The following TENM3 variants were observed in gnomAD, a reference collection of about 807,000 sequenced individuals.
The protein encoded by TENM3 is teneurin transmembrane protein 3.
In TENM3, 63 loss-of-function variants were observed where a neutral mutation model predicts 255.1. That is an observed-to-expected ratio of 0.25 (90% CI 0.20 to 0.30). The LOEUF is 0.30. Among genes scored for constraint, TENM3 ranks in the 10% least tolerant of loss-of-function variants. TENM3 has a pLI of 1.00. For missense variants in TENM3, 2,929 were observed against 3,461.1 expected, an observed-to-expected ratio of 0.85 and a Z score of 3.86; for synonymous variants, 1,306 against 1,322.3, an observed-to-expected ratio of 0.99 and a Z score of 0.27.
intron 3 of TENM3, among the ~76,000 whole-genome samples, chr4:182,593,365 C>G (rs1409472354): frequency 6.6e-6 from 1 of 151,864 alleles, no homozygotes; most frequent in Non-Finnish European, 1.5e-5. Context: ...CTGTCTGTCT[C>G]CCTCCACCTC....
chr4:182,182,140 G>A (rs1375220322), intron 1 of TENM3, among the ~76,000 whole-genome samples: 1 of 152,156 alleles, frequency 6.6e-6, no homozygotes, highest in African/African-American at 2.4e-5. Context: ...GATCAGCAAT[G>A]AGAAAGGATA....
the TENM3 span, chr4:181,975,366 G>A: frequency 6.6e-6 from 1 of 152,104 alleles, no homozygotes; most frequent in Admixed American, 6.6e-5. Flanking sequence ...TCCAACTCCT[G>A]ACCTCAGGTG....
rs1006254191 is a variant in TENM3 at position 182,436,265 on chromosome 4, G to A, written c.511+89336G>A. Among the ~76,000 whole-genome samples, 11 of 152,238 alleles carry A rather than the reference G, an allele frequency of 7.2e-5. No individual in the cohort carries two copies. The East Asian group carries it at 1.2e-3, about 16-fold the overall frequency. The stretch of plus-strand genomic sequence containing the variant: ...GATGTTTCCCTTATCCAAACGGACC[G>A]AGTTCCGAGTGCGTAACCCTGTGAA... On this transcript the variant is annotated intron_variant, in intron 3 of 27. Transcript: ENST00000511685.
chr4:182,401,924 C>T (rs1418669288), intron 3 of TENM3, among the ~76,000 whole-genome samples: 3 of 152,234 alleles, frequency 2.0e-5, no homozygotes, highest in Admixed American at 2.0e-4. Context: ...TCCGTTATTA[C>T]CATTTCCACT....
At chr4:182,247,215 G>A (rs138500559) in intron 1 of TENM3, among the ~76,000 whole-genome samples, 18 of 152,356 alleles carry the variant, frequency 1.2e-4, no homozygotes, top group African/African-American at 4.3e-4. Flanking sequence ...GCTGCAGCAA[G>A]AAATTGACAT....
chr4:181,866,888 C>G, the TENM3 span, among the ~76,000 whole-genome samples: 17 of 152,140 alleles, frequency 1.1e-4, no homozygotes, highest in Non-Finnish European at 2.2e-4. Flanking sequence ...ATATCCCCTC[C>G]CTTTATATTC....
At chr4:181,784,372 A>T in the TENM3 span, among the ~76,000 whole-genome samples, 2 of 152,020 alleles carry the variant, frequency 1.3e-5, no homozygotes, top group Non-Finnish European at 2.9e-5. Context: ...AAATATCTTA[A>T]TTTACATTGT....
At chr4:181,653,259 A>T in the TENM3 span, among the ~76,000 whole-genome samples, 1 of 152,166 alleles carries the variant, frequency 6.6e-6, no homozygotes, top group Non-Finnish European at 1.5e-5. Flanking sequence ...CTAGGCCCCA[A>T]TTCCAGACTT....
chr4:181,679,824 T>C, the TENM3 span, among the ~76,000 whole-genome samples: 1 of 152,102 alleles, frequency 6.6e-6, no homozygotes, highest in Non-Finnish European at 1.5e-5. Context: ...GGAAATAAAG[T>C]GGGAGTTTGT....
intron 16 of TENM3, among the ~76,000 whole-genome samples, chr4:182,732,007 T>G (rs1387835065): frequency 2.6e-5 from 4 of 152,054 alleles, no homozygotes; most frequent in Admixed American, 2.6e-4. Flanking sequence ...GGTCTCCATC[T>G]CCTGACCTCG....
chr4:182,375,918 A>C (rs1767152121), intron 3 of TENM3, among the ~76,000 whole-genome samples: 1 of 152,170 alleles, frequency 6.6e-6, no homozygotes, highest in Admixed American at 6.5e-5. Context: ...CTTCCATGAC[A>C]TAGTGTTTTA....
the TENM3 span, among the ~76,000 whole-genome samples, chr4:181,671,255 TG>T: frequency 1.3e-5 from 2 of 152,140 alleles, no homozygotes; most frequent in Non-Finnish European, 2.9e-5. Context: ...TGCTAAAGTT[TG>T]TCATGAATAA....
the TENM3 span, among the ~76,000 whole-genome samples, chr4:182,109,483 C>T: frequency 6.6e-6 from 1 of 151,988 alleles, no homozygotes; most frequent in African/African-American, 2.4e-5. Flanking sequence ...TTACACCTAA[C>T]CTCATATACT....
chr4:182,024,107 G>C, the TENM3 span, among the ~76,000 whole-genome samples: 46 of 150,900 alleles, frequency 3.0e-4, no homozygotes, highest in African/African-American at 1.1e-3. Flanking sequence ...ATATAGATTT[G>C]GGGGAAAAAA....
intron 3 of TENM3, among the ~76,000 whole-genome samples, chr4:182,479,074 C>A (rs1343619301): frequency 1.3e-5 from 2 of 151,846 alleles, no homozygotes; most frequent in Non-Finnish European, 2.9e-5. Flanking sequence ...CTAAAAGATT[C>A]AGTACGTAAA....
At chr4:181,796,002 G>A in the TENM3 span, among the ~76,000 whole-genome samples, 1 of 152,190 alleles carries the variant, frequency 6.6e-6, no homozygotes, top group Non-Finnish European at 1.5e-5. Flanking sequence ...GTATGGGAAG[G>A]AAAGGGGATG....
the TENM3 span, among the ~76,000 whole-genome samples, chr4:182,073,263 T>A: frequency 6.6e-6 from 1 of 152,186 alleles, no homozygotes; most frequent in Non-Finnish European, 1.5e-5. Flanking sequence ...TCACTCACTA[T>A]CATGAGAACA....
chr4:182,510,229 C>T (rs569470825), intron 3 of TENM3, among the ~76,000 whole-genome samples: 1 of 152,290 alleles, frequency 6.6e-6, no homozygotes, highest in East Asian at 1.9e-4. Context: ...ATTGCTTTAT[C>T]AATCACTGTG....
rs1020598025 is a variant in TENM3 at position 182,637,755 on chromosome 4, A to C, written c.988+8866A>C. 2.0e-5 allele frequency among the ~76,000 whole-genome samples: 3 copies of C among 152,212 alleles called. No individual in the cohort carries two copies. The East Asian group carries it at 5.8e-4, about 29-fold the overall frequency. Reference sequence around the variant, plus strand: ...ATTCTTTTGTAGAATGCAAACACTGAGTAATTAATTACAGTTATAGTAACT... The same window carrying C: ...ATTCTTTTGTAGAATGCAAACACTGCGTAATTAATTACAGTTATAGTAACT... On this transcript the variant is annotated intron_variant, in intron 5 of 27. Coordinates refer to ENST00000511685, the MANE Select transcript of TENM3 (RefSeq NM_001080477.4).
Sources: gnomAD v4.1 joint callset for allele counts (sites outside exome capture counted in the v4.1 genomes callset) on GRCh38, gnomAD v4.1.1 for gene constraint, MANE v1.5 for transcripts, NCBI Gene and HGNC (gene_info 2026-07-23, HGNC 2026-07-21) for gene names.